The following STRN variants were observed in gnomAD, a reference collection of about 807,000 sequenced individuals.
STRN encodes the protein striatin.
A neutral mutation model predicts 96.3 loss-of-function variants in STRN; 53 were observed. The observed-to-expected ratio is 0.55, with a 90% CI of 0.44 to 0.69. The LOEUF (loss-of-function observed/expected upper bound fraction) is 0.69. STRN is among the 30% of genes least tolerant of loss of function. The probability of loss-of-function intolerance (pLI) is 0.00; values close to 1 mark genes in which losing one functional copy is unlikely to be tolerated. For synonymous variants in STRN, 428 were observed against 355.9 expected, an observed-to-expected ratio of 1.20 and a Z score of -2.28; for missense variants, 987 against 963.9, an observed-to-expected ratio of 1.02 and a Z score of -0.32.
At chr2:36,956,897 CACA>C (rs1157531596) in intron 1 of STRN, among the ~76,000 whole-genome samples, 1 of 152,130 alleles carries the variant, frequency 6.6e-6, no homozygotes, top group Admixed American at 6.5e-5. Context: ...TATGGTGCCC[CACA>C]ACAATTCTTC....
intron 1 of STRN, among the ~76,000 whole-genome samples, chr2:36,943,505 C>G (rs1572692172): frequency 6.6e-6 from 1 of 151,870 alleles, no homozygotes; most frequent in Non-Finnish European, 1.5e-5. Context: ...AAACAGAAGA[C>G]ATAAAACAGT....
chr2:36,924,546 T>C (rs1284090240), intron 2 of STRN, among the ~76,000 whole-genome samples: 2 of 152,102 alleles, frequency 1.3e-5, no homozygotes, highest in African/African-American at 2.4e-5. Flanking sequence ...GGGAGCATAT[T>C]TGCTTCTTCA....
At position 36,937,797 on chromosome 2, in the gene STRN, T is replaced by C. The variant is rs543176980; in HGVS notation, c.235-12589A>G. Among the ~76,000 whole-genome samples, 4 of 152,082 alleles carry C rather than the reference T, an allele frequency of 2.6e-5. No individual in the cohort carries two copies. In the East Asian group the frequency reaches 7.7e-4, roughly 29 times the overall value. ...ATAAATATGTATCTTGAAAAGATAGTTTAGAAAAGAAACTTACAGGCTATG... is the reference window on the plus strand; with the variant it reads ...ATAAATATGTATCTTGAAAAGATAGCTTAGAAAAGAAACTTACAGGCTATG... On this transcript the variant is annotated intron_variant, in intron 1 of 17. Transcript: ENST00000263918.
At chr2:36,935,545 G>C (rs1445131156) in intron 1 of STRN, among the ~76,000 whole-genome samples, 1 of 152,134 alleles carries the variant, frequency 6.6e-6, no homozygotes, top group Non-Finnish European at 1.5e-5. Context: ...TCCCAAACCA[G>C]ATAAGCCCTC....
At chr2:36,887,594 T>C (rs773167725) in intron 7 of STRN, among the ~76,000 whole-genome samples, 6 of 152,144 alleles carry the variant, frequency 3.9e-5, no homozygotes, top group Non-Finnish European at 5.9e-5. Context: ...TTGTACAAAA[T>C]AAACGCCAAT....
intron 10 of STRN, among the ~76,000 whole-genome samples, chr2:36,873,424 C>G (rs1428667836): frequency 6.6e-6 from 1 of 152,084 alleles, no homozygotes; most frequent in Admixed American, 6.6e-5. Context: ...GCTGGGTGTA[C>G]TGGTGAACAT....
intron 12 of STRN, among the ~76,000 whole-genome samples, chr2:36,863,013 G>A (rs1220725152): frequency 6.6e-6 from 1 of 152,140 alleles, no homozygotes; most frequent in East Asian, 1.9e-4. Context: ...GTGAGCCACC[G>A]CACCTGGCCT....
intron 3 of STRN, among the ~76,000 whole-genome samples, chr2:36,914,072 C>G (rs957533317): frequency 1.3e-5 from 2 of 152,152 alleles, no homozygotes; most frequent in Non-Finnish European, 2.9e-5. Flanking sequence ...ATAACCTAAC[C>G]TCAAACTCCT....
intron 1 of STRN, among the ~76,000 whole-genome samples, chr2:36,957,742 G>GTATTTTT (rs1158709835): frequency 9.7e-6 from 1 of 103,132 alleles, no homozygotes; most frequent in Non-Finnish European, 1.9e-5. Context: ...TCTTCTTTTT[G>GTATTTTT]TCTTTTTTTT....
intron 10 of STRN, among the ~76,000 whole-genome samples, chr2:36,869,989 T>C (rs1668722824): frequency 6.6e-6 from 1 of 152,174 alleles, no homozygotes; most frequent in Admixed American, 6.5e-5. Context: ...AATCAAATTA[T>C]ATAAAATAGA....
At chr2:36,859,092 A>C (rs1319363512) in intron 13 of STRN, among the ~76,000 whole-genome samples, 1 of 152,234 alleles carries the variant, frequency 6.6e-6, no homozygotes, top group East Asian at 1.9e-4. Flanking sequence ...TTGAAATAGG[A>C]AGTAGATGGG....
At chr2:36,883,108 T>C (rs1376525267) in intron 9 of STRN, among the ~76,000 whole-genome samples, 1 of 152,180 alleles carries the variant, frequency 6.6e-6, no homozygotes, top group South Asian at 2.1e-4. Flanking sequence ...TTATACATGA[T>C]GTAGAATAAT....
intron 1 of STRN, among the ~76,000 whole-genome samples, chr2:36,944,039 G>T (rs2148257662): frequency 6.6e-6 from 1 of 152,222 alleles, no homozygotes; most frequent in Non-Finnish European, 1.5e-5. Flanking sequence ...AGAATTGCTT[G>T]AACTCAGGAG....
chr2:36,901,444 C>T lies in STRN; in HGVS notation c.659+1140G>A, dbSNP rs574003431. On this transcript the variant is annotated intron_variant, in intron 5 of 17. Coordinates refer to ENST00000263918, the MANE Select transcript of STRN (RefSeq NM_003162.4). The stretch of plus-strand genomic sequence containing the variant: ...GCACGCGCCTGTAGTCTCAGCTACT[C>T]GGGAGGCTGAGGCAGGAGAATGGCG... Among the ~76,000 whole-genome samples the T allele has an allele frequency of 5.3e-5, 8 of 150,772 alleles. No individual in the cohort carries two copies. In the East Asian group the frequency reaches 9.8e-4, roughly 19 times the overall value.
chr2:36,857,054 C>A (rs1466325722), intron 14 of STRN, among the ~76,000 whole-genome samples: 2 of 149,652 alleles, frequency 1.3e-5, no homozygotes, highest in Non-Finnish European at 3.0e-5. Context: ...TCAGGTATTT[C>A]TTTATAGTGG....
At chr2:36,858,434 G>C (rs1315352324) in intron 13 of STRN, among the ~76,000 whole-genome samples, 2 of 152,106 alleles carry the variant, frequency 1.3e-5, no homozygotes, top group African/African-American at 4.8e-5. Flanking sequence ...TTAGCACTTT[G>C]GCTATACTTC....
chr2:36,881,407 C>G (rs999847770), intron 9 of STRN, among the ~76,000 whole-genome samples: 2 of 151,976 alleles, frequency 1.3e-5, no homozygotes, highest in African/African-American at 4.8e-5. Flanking sequence ...GGATTACAGG[C>G]GTGAGCAACT....
intron 3 of STRN, among the ~76,000 whole-genome samples, chr2:36,915,273 A>AT (rs1670066541): frequency 4.5e-5 from 6 of 132,218 alleles, no homozygotes; most frequent in South Asian, 2.4e-4. Context: ...ATATATATAT[A>AT]AAGCCTCTAG....
Position 36,861,165 on chromosome 2 carries a change from T to G in STRN, c.1636A>C (p.Thr546Pro). 5 of 1,614,082 alleles carry G rather than the reference T, an allele frequency of 3.1e-6. No homozygotes were observed. The highest frequency in any genetic ancestry group is 3.4e-6 in the Non-Finnish European group (4 of 1,179,986). Residue 546 changes from threonine (T) to proline (P), a missense_variant, in exon 13 of 18, where the codon ACT (threonine) becomes CCT (proline). By Grantham distance (38) the Thr-to-Pro change is conservative (BLOSUM62 -1). Transcript: ENST00000263918. Reference protein sequence around the residue: ...TDGLIQGWNTTNPNIDPYDSY... With the variant: ...TDGLIQGWNTPNPNIDPYDSY... ...TCATAGGGGTCGATGTTGGGATTAG[T>G]GGTATTCCAGCCCTGGATCAGTCCA... is the stretch of plus-strand genomic sequence containing the variant.
Sources: gnomAD v4.1 joint callset for allele counts (sites outside exome capture counted in the v4.1 genomes callset) on GRCh38, gnomAD v4.1.1 for gene constraint, MANE v1.5 for transcripts, NCBI Gene and HGNC (gene_info 2026-07-23, HGNC 2026-07-21) for gene names.